The following ELF1 variants were observed in gnomAD, a reference collection of about 807,000 sequenced individuals.
The protein encoded by ELF1 is E74 like ETS transcription factor 1, also known as ETS-related transcription factor Elf-1.
In ELF1, 24 loss-of-function variants were observed where a neutral mutation model predicts 59.9. That is an observed-to-expected ratio of 0.40 (90% CI 0.29 to 0.56). The LOEUF (loss-of-function observed/expected upper bound fraction) is 0.56, where lower values mean the gene tolerates loss of function less well. Among genes scored for constraint, ELF1 ranks in the 20% least tolerant of loss-of-function variants. The pLI is 0.44. For missense variants in ELF1, 627 were observed against 742.2 expected (o/e 0.84, Z 1.80); for synonymous variants, 248 against 266.2 (o/e 0.93, Z 0.67).
upstream of ELF1, among the ~76,000 whole-genome samples, chr13:41,023,678 G>T (rs920029845): frequency 1.3e-5 from 2 of 152,136 alleles, no homozygotes; most frequent in African/African-American, 4.8e-5. Flanking sequence ...ACTTCTGCAC[G>T]GACAGGTAAC....
chr13:41,044,307 G>T (rs1876749338), intron 1 of ELF1, among the ~76,000 whole-genome samples: 1 of 152,046 alleles, frequency 6.6e-6, no homozygotes, highest in African/African-American at 2.4e-5. Flanking sequence ...CTGCCTAATT[G>T]CCCTGGCCAG....
intron 2 of ELF1, among the ~76,000 whole-genome samples, chr13:40,977,591 CA>C (rs1326720729): frequency 6.6e-6 from 1 of 151,948 alleles, no homozygotes; most frequent in African/African-American, 2.4e-5. Flanking sequence ...TAACTGAAAA[CA>C]AAAAATATAT....
chr13:40,945,091 C>G (rs1215681293), intron 5 of ELF1, among the ~76,000 whole-genome samples: 2 of 152,180 alleles, frequency 1.3e-5, no homozygotes, highest in Non-Finnish European at 2.9e-5. Context: ...GAGACAGATT[C>G]TTCTGGCTGT....
upstream of ELF1, among the ~76,000 whole-genome samples, chr13:41,022,834 G>T (rs933026934): frequency 2.0e-5 from 3 of 152,116 alleles, no homozygotes; most frequent in African/African-American, 7.2e-5. Flanking sequence ...AGCCGAGGTT[G>T]CACCACTGCA....
intron 1 of ELF1, among the ~76,000 whole-genome samples, chr13:41,028,449 C>G (rs922046434): frequency 6.6e-6 from 1 of 152,122 alleles, no homozygotes; most frequent in African/African-American, 2.4e-5. Flanking sequence ...GTCACCCCAC[C>G]AAATAAAGAA....
At chr13:41,024,119 A>G (rs1875791225), upstream of ELF1, among the ~76,000 whole-genome samples, 1 of 152,190 alleles carries the variant, frequency 6.6e-6, no homozygotes, top group Non-Finnish European at 1.5e-5. Flanking sequence ...GACATATTTT[A>G]TCTCTCATAA....
At chr13:40,934,693 T>C (rs1306615474) in intron 8 of ELF1, among the ~76,000 whole-genome samples, 1 of 152,222 alleles carries the variant, frequency 6.6e-6, no homozygotes, top group Non-Finnish European at 1.5e-5. Context: ...GTGCTGGGAT[T>C]ATAGGCATGA....
chr13:41,047,624 G>T (rs894001948), intron 1 of ELF1, among the ~76,000 whole-genome samples: 1 of 152,216 alleles, frequency 6.6e-6, no homozygotes, highest in Non-Finnish European at 1.5e-5. Flanking sequence ...GTTGCTGCCT[G>T]ATCATTCCTC....
chr13:41,029,486 A>T (rs1386746681), intron 1 of ELF1, among the ~76,000 whole-genome samples: 1 of 151,948 alleles, frequency 6.6e-6, no homozygotes, highest in Admixed American at 6.6e-5. Flanking sequence ...GGCTCAGGTG[A>T]TCCTCTCACC....
intron 2 of ELF1, among the ~76,000 whole-genome samples, chr13:40,976,137 G>T (rs919465887): frequency 7.2e-5 from 11 of 152,192 alleles, no homozygotes; most frequent in Non-Finnish European, 1.3e-4. Flanking sequence ...TATGCAACAG[G>T]TATGAATGTT....
At chr13:40,993,395 G>C (rs567215980) in intron 1 of ELF1, 51 of 816,998 alleles carry the variant, frequency 6.2e-5, no homozygotes, top group South Asian at 1.2e-4. Context: ...GATGGGTCTG[G>C]GGGGAGCGGG....
upstream of ELF1, among the ~76,000 whole-genome samples, chr13:41,024,249 T>C (rs1165062197): frequency 6.6e-6 from 1 of 152,140 alleles, no homozygotes; most frequent in African/African-American, 2.4e-5. Context: ...ATGGATTCAG[T>C]AGTGCAGGTG....
intron 1 of ELF1, chr13:40,992,920 T>C (rs553252665): frequency 2.9e-4 from 204 of 692,824 alleles, no homozygotes; most frequent in South Asian, 2.0e-3. Flanking sequence ...AATCTTCATA[T>C]ATCATTCTAG....
chr13:41,056,245 C>T (rs2138440896), intron 1 of ELF1, among the ~76,000 whole-genome samples: 1 of 152,260 alleles, frequency 6.6e-6, no homozygotes, highest in East Asian at 1.9e-4. Flanking sequence ...TTGGATATTT[C>T]ATATAAATGG....
At chr13:41,015,178 A>G (rs918730909) in intron 1 of ELF1, among the ~76,000 whole-genome samples, 5 of 152,158 alleles carry the variant, frequency 3.3e-5, no homozygotes, top group African/African-American at 7.2e-5. Context: ...GAACCAAAAC[A>G]ACTAACACTG....
chr13:40,982,207 G>C lies in ELF1; in HGVS notation c.-153C>G. The C allele has an allele frequency of 7.7e-7, 1 of 1,296,550 alleles. No individual in the cohort carries two copies. Among genetic ancestry groups the C allele is most frequent in the Non-Finnish European group, 9.8e-7 (1 of 1,020,492 alleles). The allele number at this position is 1,296,550 out of a possible 1,614,324, so 80.3% of individuals were successfully genotyped here. On this transcript the variant is annotated 5_prime_UTR_variant, in exon 2 of 9. Coordinates refer to ENST00000239882, the MANE Select transcript of ELF1 (RefSeq NM_172373.4). The stretch of plus-strand genomic sequence containing the variant: ...AGTTTTCTTTAGGGAAGGTGCTTCA[G>C]TTTTCCTGGTTCATTGATATTCTAG...
At chr13:40,951,252 C>T (rs1870827740) in intron 4 of ELF1, 77 bp downstream of exon 4, 1 of 1,200,390 alleles carries the variant, frequency 8.3e-7, no homozygotes, top group African/African-American at 1.5e-5. Context: ...TTTCTAATCT[C>T]TTGATTTTAC....
chr13:40,981,858 T>A, intron 2 of ELF1, 125 bp downstream of exon 2: 1 of 1,082,532 alleles, frequency 9.2e-7, no homozygotes. Flanking sequence ...CTCCAAATAT[T>A]TCATCTATAA....
At chr13:41,023,570 A>G (rs1309338547), upstream of ELF1, among the ~76,000 whole-genome samples, 1 of 152,220 alleles carries the variant, frequency 6.6e-6, no homozygotes. Context: ...CCCAGGTTCC[A>G]AGAATTGTGT....
Sources: gnomAD v4.1 joint callset for allele counts (sites outside exome capture counted in the v4.1 genomes callset) on GRCh38, gnomAD v4.1.1 for gene constraint, MANE v1.5 for transcripts, NCBI Gene and HGNC (gene_info 2026-07-23, HGNC 2026-07-21) for gene names.